The following SETD2 variants were observed in gnomAD, a reference collection of about 807,000 sequenced individuals.
SETD2 encodes SET domain containing 2, histone lysine methyltransferase.
Under a neutral mutation model 242.1 loss-of-function variants are expected in SETD2, and 31 were observed. The ratio of observed to expected loss-of-function variants is 0.13; its 90% confidence interval spans 0.10 to 0.17. The LOEUF (loss-of-function observed/expected upper bound fraction) is 0.17. Ranked by LOEUF, SETD2 falls within the 10% of genes least tolerant of loss-of-function variation. The probability of loss-of-function intolerance (pLI) is 1.00; values close to 1 mark genes in which losing one functional copy is unlikely to be tolerated. For missense variants in SETD2, 2,481 were observed against 3,046.3 expected (o/e 0.81, Z 4.37); for synonymous variants, 1,006 against 1,066.5 (o/e 0.94, Z 1.11).
intron 12 of SETD2, among the ~76,000 whole-genome samples, chr3:47,068,212 A>G (rs2040647281): frequency 6.6e-6 from 1 of 152,186 alleles, no homozygotes; most frequent in African/African-American, 2.4e-5. Flanking sequence ...AATATTAACC[A>G]CACCTGTGGC....
intron 14 of SETD2, among the ~76,000 whole-genome samples, chr3:47,059,498 C>A (rs2107583320): frequency 6.6e-6 from 1 of 151,598 alleles, no homozygotes; most frequent in South Asian, 2.1e-4. Context: ...CAGCTCACTG[C>A]AACCTCTGCC....
At chr3:47,086,626 A>C (rs1230038470) in intron 10 of SETD2, among the ~76,000 whole-genome samples, 1 of 152,180 alleles carries the variant, frequency 6.6e-6, no homozygotes, top group Non-Finnish European at 1.5e-5. Context: ...AATTGCATCT[A>C]ACTTTTTAAA....
chr3:47,067,331 A>G (rs191312797), intron 12 of SETD2, among the ~76,000 whole-genome samples: 194 of 152,126 alleles, frequency 1.3e-3, no homozygotes, highest in African/African-American at 4.5e-3. Context: ...ATATATTTAC[A>G]TCTATCAAGC....
intron 18 of SETD2, among the ~76,000 whole-genome samples, chr3:47,028,338 A>C (rs1048035385): frequency 1.3e-5 from 2 of 152,228 alleles, no homozygotes; most frequent in Non-Finnish European, 2.9e-5. Flanking sequence ...AATTTAGAGT[A>C]TCTGAGATAA....
chr3:47,048,014 G>A (rs2039606894), intron 15 of SETD2, among the ~76,000 whole-genome samples: 1 of 152,160 alleles, frequency 6.6e-6, no homozygotes. Context: ...GCATGTTTCT[G>A]TAATAAAGAC....
chr3:47,157,835 TGTACCCCA>T (rs1044241103), intron 1 of SETD2, among the ~76,000 whole-genome samples: 17 of 149,870 alleles, frequency 1.1e-4, no homozygotes, highest in African/African-American at 3.2e-4. Flanking sequence ...ATCACGCCAC[TGTACCCCA>T]GCCTGGGCAA....
At chr3:47,137,506 AC>A (rs2043616091) in intron 1 of SETD2, among the ~76,000 whole-genome samples, 1 of 151,968 alleles carries the variant, frequency 6.6e-6, no homozygotes, top group African/African-American at 2.4e-5. Flanking sequence ...AGTATTTATT[AC>A]TATAAGAGTT....
Position 47,146,007 on chromosome 3 carries a change from C to A in SETD2, c.71+17847G>T, listed in dbSNP as rs1166154733. Among the ~76,000 whole-genome samples the A allele has an allele frequency of 2.7e-5, 3 of 112,194 alleles. No individual in the cohort carries two copies. In the Admixed American group the frequency reaches 3.5e-4, roughly 13 times the overall value. 73.6% of individuals were successfully genotyped at this position (112,194 alleles called of 152,430 possible). ...CTTCAGCCTGGGTGACAGAGCGAGA[C>A]CCTGTCTCAAAAAAAAAAAAAAAAA... is the stretch of plus-strand genomic sequence containing the variant. On this transcript the variant is annotated intron_variant, in intron 1 of 20. Transcript: ENST00000409792.
intron 12 of SETD2, 127 bp downstream of exon 12, chr3:47,083,593 G>GT: frequency 1.1e-6 from 1 of 874,464 alleles, no homozygotes; most frequent in South Asian, 1.7e-5. Context: ...AAATAAAACA[G>GT]TAAGAGAGAC....
intron 9 of SETD2, among the ~76,000 whole-genome samples, chr3:47,089,595 A>C (rs2041711517): frequency 6.6e-6 from 1 of 152,194 alleles, no homozygotes; most frequent in African/African-American, 2.4e-5. Context: ...AAATGTAAAT[A>C]ACGGGGGGTG....
At chr3:47,036,112 T>G (rs903709676) in intron 18 of SETD2, among the ~76,000 whole-genome samples, 2 of 152,220 alleles carry the variant, frequency 1.3e-5, no homozygotes, top group African/African-American at 4.8e-5. Flanking sequence ...TCTACTTTAA[T>G]CCCTTCTCAC....
rs1421719478 is a variant in SETD2, at chr3:47,124,552, C to T, written c.88-4G>A. The T allele has an allele frequency of 6.5e-7, 1 of 1,532,790 alleles. No homozygotes were observed. Among genetic ancestry groups the T allele is most frequent in the South Asian group, 1.2e-5 (1 of 82,028 alleles). The allele number at this position is 1,532,790 out of a possible 1,614,324, so 94.9% of individuals were successfully genotyped here. A position where few individuals can be genotyped will look rare whatever the true frequency, so the allele number is the denominator to read the frequency against. On this transcript the variant is annotated splice_polypyrimidine_tract_variant and splice_region_variant and intron_variant, in intron 2 of 20. Transcript: ENST00000409792. ...TCTGCACATTTTCAATCTTTGCCTACAAATGAACAAAATAAGCAATTACTA... is the reference window on the plus strand; with the variant it reads ...TCTGCACATTTTCAATCTTTGCCTATAAATGAACAAAATAAGCAATTACTA...
intron 9 of SETD2, among the ~76,000 whole-genome samples, chr3:47,093,052 C>T (rs1229863718): frequency 6.6e-6 from 1 of 152,038 alleles, no homozygotes; most frequent in Non-Finnish European, 1.5e-5. Flanking sequence ...CACTCTTGTC[C>T]TTGCTCCCTA....
intron 9 of SETD2, among the ~76,000 whole-genome samples, chr3:47,097,351 A>AT (rs1325437166): frequency 6.6e-6 from 1 of 152,166 alleles, no homozygotes; most frequent in Non-Finnish European, 1.5e-5. Flanking sequence ...GGAGGAGAAT[A>AT]TTTTTTTAAA....
At chr3:47,145,944 A>C (rs1378133112) in intron 1 of SETD2, among the ~76,000 whole-genome samples, 1 of 139,710 alleles carries the variant, frequency 7.2e-6, no homozygotes, top group Non-Finnish European at 1.5e-5. Context: ...TGAGCCCAGG[A>C]GTCTAAGGCT....
intron 6 of SETD2, among the ~76,000 whole-genome samples, chr3:47,104,978 A>G (rs778036686): frequency 6.6e-6 from 1 of 152,152 alleles, no homozygotes; most frequent in Non-Finnish European, 1.5e-5. Flanking sequence ...TATGTTGCCC[A>G]GGCTGGCCTC....
In SETD2 at chr3:47,020,292, T is replaced by A. The variant is rs140678221; in HGVS notation, c.7351-452A>T. Among the ~76,000 whole-genome samples the A allele has an allele frequency of 4.3e-3, 661 of 152,308 alleles. 5 individuals are homozygous for A. Among genetic ancestry groups the A allele is most frequent in the African/African-American group, 0.015 (619 of 41,580 alleles). ...CCTTTCCTCCAAAGGTGGAGTTGGC[T>A]AGACTGTAGAAGACAGTCTCAGTAT... On this transcript the variant is annotated intron_variant, in intron 18 of 20. Coordinates refer to ENST00000409792, the MANE Select transcript of SETD2 (RefSeq NM_014159.7).
intron 13 of SETD2, chr3:47,064,680 G>A (rs1205522992): frequency 5.8e-6 from 2 of 342,386 alleles, no homozygotes; most frequent in East Asian, 1.9e-4. Context: ...TTCCTGAAGT[G>A]TTTCACAATC....
intron 18 of SETD2, among the ~76,000 whole-genome samples, chr3:47,035,507 G>A (rs2038958385): frequency 6.6e-6 from 1 of 152,202 alleles, no homozygotes; most frequent in Non-Finnish European, 1.5e-5. Flanking sequence ...TGGCTAGTTT[G>A]ATGACCTGGA....
Sources: gnomAD v4.1 joint callset for allele counts (sites outside exome capture counted in the v4.1 genomes callset) on GRCh38, gnomAD v4.1.1 for gene constraint, MANE v1.5 for transcripts, NCBI Gene and HGNC (gene_info 2026-07-23, HGNC 2026-07-21) for gene names.